VIT: variants seen among roughly 807,000 people sequenced by gnomAD.
The protein encoded by VIT is vitrin.
A neutral mutation model predicts 78.0 loss-of-function variants in VIT; 99 were observed. The ratio of observed to expected loss-of-function variants is 1.27; its 90% CI spans 1.08 to 1.50. The LOEUF (loss-of-function observed/expected upper bound fraction) is 1.50. VIT is among the 40% of genes most tolerant of loss of function. The probability of loss-of-function intolerance (pLI) is 0.00; values close to 1 mark genes in which losing one functional copy is unlikely to be tolerated. For missense variants in VIT, 1,126 were observed against 875.3 expected, an observed-to-expected ratio of 1.29 and a Z score of -3.61; for synonymous variants, 374 against 334.3, an observed-to-expected ratio of 1.12 and a Z score of -1.29.
intron 1 of VIT, among the ~76,000 whole-genome samples, chr2:36,699,459 T>C (rs1353509716): frequency 6.6e-6 from 1 of 151,938 alleles, no homozygotes; most frequent in Non-Finnish European, 1.5e-5. Context: ...GAGACTTACA[T>C]GTATACAAAA....
chr2:36,699,610 A>AGATATATAGG (rs1553357692), intron 1 of VIT, among the ~76,000 whole-genome samples: 381 of 102,412 alleles, frequency 3.7e-3, no homozygotes, highest in East Asian at 6.7e-3. Context: ...AGATATAGAT[A>AGATATATAGG]TAGATAGATA....
chr2:36,813,368 G>T (rs950558726), intron 15 of VIT, among the ~76,000 whole-genome samples: 3 of 152,074 alleles, frequency 2.0e-5, no homozygotes, highest in East Asian at 2.0e-4. Flanking sequence ...AAAATCTCTT[G>T]AACCTGGGAA....
At chr2:36,722,614 A>T (rs17019594) in intron 2 of VIT, among the ~76,000 whole-genome samples, 2,293 of 152,358 alleles carry the variant, frequency 0.015, 64 homozygotes, top group African/African-American at 0.053. Context: ...CATTGTGGAT[A>T]CTATCTATGT....
At chr2:36,770,971 C>T (rs1310206042) in intron 7 of VIT, among the ~76,000 whole-genome samples, 4 of 152,272 alleles carry the variant, frequency 2.6e-5, no homozygotes, top group African/African-American at 4.8e-5. Context: ...GACCGCTAAG[C>T]GGGAGAAAGT....
chr2:36,709,190 C>A (rs1665647408), intron 1 of VIT, among the ~76,000 whole-genome samples: 1 of 151,998 alleles, frequency 6.6e-6, no homozygotes, highest in African/African-American at 2.4e-5. Flanking sequence ...CAACTCAGGT[C>A]AATTAAATTA....
intron 4 of VIT, among the ~76,000 whole-genome samples, chr2:36,751,593 G>T (rs1668466819): frequency 6.6e-6 from 1 of 152,150 alleles, no homozygotes; most frequent in African/African-American, 2.4e-5. Flanking sequence ...ATGGTAGAAG[G>T]AGGCGCCCTG....
intron 13 of VIT, among the ~76,000 whole-genome samples, chr2:36,803,996 TC>T (rs923022191): frequency 6.6e-6 from 1 of 152,208 alleles, no homozygotes. Context: ...ATCCCAGTTT[TC>T]CCAGAAAAAC....
At chr2:36,750,725 G>C (rs148340299) in intron 4 of VIT, among the ~76,000 whole-genome samples, 1,573 of 151,910 alleles carry the variant, frequency 0.01, 25 homozygotes, top group African/African-American at 0.034. Flanking sequence ...GGAGGCTGAG[G>C]CAGGAGAATC....
chr2:36,765,053 T>A (rs145798763), intron 6 of VIT, among the ~76,000 whole-genome samples: 1 of 152,120 alleles, frequency 6.6e-6, no homozygotes, highest in Admixed American at 6.5e-5. Context: ...ATCCATGTCC[T>A]AATCCCTGGA....
intron 13 of VIT, among the ~76,000 whole-genome samples, chr2:36,801,966 C>T (rs1306828868): frequency 6.6e-6 from 1 of 152,098 alleles, no homozygotes; most frequent in Non-Finnish European, 1.5e-5. Context: ...TTTTGTTGGC[C>T]TACAAGTCAT....
intron 13 of VIT, among the ~76,000 whole-genome samples, chr2:36,803,270 C>T (rs573823527): frequency 6.6e-6 from 1 of 152,324 alleles, no homozygotes; most frequent in East Asian, 1.9e-4. Flanking sequence ...ACAGCCTCTG[C>T]CTCACTTTTA....
chr2:36,760,084 T>C (rs924140839), intron 6 of VIT, among the ~76,000 whole-genome samples: 3 of 151,704 alleles, frequency 2.0e-5, no homozygotes, highest in Non-Finnish European at 4.4e-5. Context: ...AACCTCTGCC[T>C]CCCAGGTTCA....
intron 1 of VIT, among the ~76,000 whole-genome samples, chr2:36,701,170 G>A (rs921848416): frequency 1.3e-5 from 2 of 152,122 alleles, no homozygotes; most frequent in Non-Finnish European, 2.9e-5. Flanking sequence ...GAGGCGTGGA[G>A]GCAAGGAACT....
At chr2:36,810,419 T>G (rs558930797) in intron 15 of VIT, among the ~76,000 whole-genome samples, 1 of 152,242 alleles carries the variant, frequency 6.6e-6, no homozygotes, top group Non-Finnish European at 1.5e-5. Flanking sequence ...CGTTTATGCC[T>G]TTATTGCAGA....
chr2:36,761,565 T>C (rs547613427), intron 6 of VIT, among the ~76,000 whole-genome samples: 3 of 151,950 alleles, frequency 2.0e-5, no homozygotes, highest in African/African-American at 7.2e-5. Context: ...ATGGTGAAAC[T>C]CCGTCTCTAC....
At chr2:36,755,323 T>C (rs1572480737) in intron 5 of VIT, among the ~76,000 whole-genome samples, 1 of 152,198 alleles carries the variant, frequency 6.6e-6, no homozygotes, top group East Asian at 1.9e-4. Context: ...TTTAATTACA[T>C]TAATTACATT....
intron 5 of VIT, among the ~76,000 whole-genome samples, chr2:36,758,554 C>T (rs1668907052): frequency 1.3e-5 from 2 of 152,176 alleles, no homozygotes; most frequent in South Asian, 2.1e-4. Flanking sequence ...CAAATGAATC[C>T]CACACGGTCT....
chr2:36,714,243 A>C (rs922351074), intron 1 of VIT, among the ~76,000 whole-genome samples: 1 of 152,202 alleles, frequency 6.6e-6, no homozygotes, highest in Non-Finnish European at 1.5e-5. Context: ...CCCATAATCT[A>C]ATAATTGCTT....
chr2:36,704,879 G>A (rs573109931), intron 1 of VIT, among the ~76,000 whole-genome samples: 1 of 152,108 alleles, frequency 6.6e-6, no homozygotes, highest in Non-Finnish European at 1.5e-5. Context: ...GGAAAGTTTT[G>A]CCGGACCTGA....
Sources: gnomAD v4.1 joint callset for allele counts (sites outside exome capture counted in the v4.1 genomes callset) on GRCh38, gnomAD v4.1.1 for gene constraint, MANE v1.5 for transcripts, NCBI Gene and HGNC (gene_info 2026-07-23, HGNC 2026-07-21) for gene names.